ADGRV1: variants seen among roughly 807,000 people sequenced by gnomAD.
ADGRV1 encodes G-protein coupled receptor 98.
A neutral mutation model predicts 596.2 loss-of-function variants in ADGRV1; 359 were observed. The ratio of observed to expected loss-of-function variants is 0.60; its 90% CI spans 0.55 to 0.66. The LOEUF is 0.66. Among genes scored for constraint, ADGRV1 ranks in the 30% least tolerant of loss-of-function variants. The pLI, the probability that ADGRV1 is intolerant of heterozygous loss-of-function variation, is 0.00. For missense variants in ADGRV1, 7,274 were observed against 7,575.6 expected, an observed-to-expected ratio of 0.96 and a Z score of 1.48; for synonymous variants, 2,681 against 2,679.2, an observed-to-expected ratio of 1.00 and a Z score of -0.02.
At chr5:91,150,789 C>T (rs1247807335) in intron 88 of ADGRV1, among the ~76,000 whole-genome samples, 1 of 152,164 alleles carries the variant, frequency 6.6e-6, no homozygotes, top group East Asian at 1.9e-4. Flanking sequence ...CCAGGATTTC[C>T]TCTGTACAAA....
rs1261822368 is a variant in ADGRV1 at position 90,750,631 on chromosome 5, T to C, written c.11055T>C (p.Tyr3685=). 13 of 1,612,322 alleles carry C rather than the reference T, an allele frequency of 8.1e-6. No homozygotes were observed. Among genetic ancestry groups the C allele is most frequent in the South Asian group, 1.1e-5 (1 of 91,030 alleles). The change falls in exon 53 of 90, where the codon TAT becomes TAC. Residue 3685 remains tyrosine (Y), a synonymous_variant. Coordinates refer to ENST00000405460, the MANE Select transcript of ADGRV1 (RefSeq NM_032119.4). ...TLNVERLKGT[Y]GRITIAWEAD... ...ACGTTGAACGCTTAAAAGGAACATA[T>C]GGCCGTATAACCATAGCATGGGAAG...
Position 90,823,427 on chromosome 5 carries a change from C to T in ADGRV1, c.16199C>T (p.Ala5400Val), listed in dbSNP as rs1243914822. ...ATTGGTGGGTTTCTTGCTCACAGGG[C>T]CTTTGAAGATGTCAAGGTCTTTTGG... is the stretch of plus-strand genomic sequence containing the variant. Reference protein sequence around the residue: ...HLIVTRQPNRAFEDVKVFWRV... With the variant: ...HLIVTRQPNRVFEDVKVFWRV... The change falls in exon 76 of 90, where the codon GCC (alanine) becomes GTC (valine). Residue 5400 changes from alanine to valine, a missense_variant and splice_region_variant. By Grantham distance (64) the Ala-to-Val change is moderately conservative (BLOSUM62 0). This residue lies in a region of ADGRV1 where 1,874 missense variants were observed against 1,970.2 expected (regional missense o/e 0.95). Coordinates refer to ENST00000405460, the MANE Select transcript of ADGRV1 (RefSeq NM_032119.4). 1.2e-6 allele frequency: 2 copies of T among 1,613,450 alleles called. No individual in the cohort carries two copies. The highest frequency in any genetic ancestry group is 2.2e-5 in the South Asian group (2 of 90,884).
At chr5:91,049,191 C>T (rs116436737) in intron 85 of ADGRV1, among the ~76,000 whole-genome samples, 1,568 of 152,154 alleles carry the variant, frequency 0.01, 22 homozygotes, top group African/African-American at 0.036. Context: ...ACTAGTAAAC[C>T]TTTCTCCTTT....
intron 84 of ADGRV1, among the ~76,000 whole-genome samples, chr5:90,976,522 C>A (rs2151016402): frequency 6.6e-6 from 1 of 151,198 alleles, no homozygotes. Flanking sequence ...CCTTGAACAC[C>A]CTTGCACTCT....
intron 83 of ADGRV1, among the ~76,000 whole-genome samples, chr5:90,949,900 T>G (rs1230959986): frequency 6.6e-6 from 1 of 152,222 alleles, no homozygotes; most frequent in Non-Finnish European, 1.5e-5. Flanking sequence ...AGTGCTCTGA[T>G]GTGGTGTTTC....
intron 54 of ADGRV1, among the ~76,000 whole-genome samples, chr5:90,754,030 CTT>C (rs1270582917): frequency 6.6e-6 from 1 of 151,980 alleles, no homozygotes; most frequent in African/African-American, 2.4e-5. Flanking sequence ...GGAAATGTGT[CTT>C]TTAAAAGATA....
chr5:91,005,867 C>T (rs1201059886), intron 85 of ADGRV1, among the ~76,000 whole-genome samples: 1 of 152,140 alleles, frequency 6.6e-6, no homozygotes, highest in Non-Finnish European at 1.5e-5. Flanking sequence ...TTGCCTCTAC[C>T]ATCGCTATAG....
intron 1 of ADGRV1, among the ~76,000 whole-genome samples, chr5:90,611,127 T>A (rs1490650199): frequency 4.6e-5 from 7 of 152,078 alleles, no homozygotes; most frequent in South Asian, 4.1e-4. Context: ...GGGCGTTGCA[T>A]GATGTACAGG....
Position 90,725,111 on chromosome 5 carries a change from C to T in ADGRV1, c.9932C>T (p.Thr3311Ile). Residue 3311 changes from threonine to isoleucine, a missense_variant, in exon 47 of 90, where the codon ACT becomes ATT. By Grantham distance (89) the Thr-to-Ile change is moderately conservative. Transcript: ENST00000405460. Reference protein sequence around the residue: ...VEDLNIENPKTCEAFNIGFSP... With the variant: ...VEDLNIENPKICEAFNIGFSP... The stretch of plus-strand genomic sequence containing the variant: ...GATTTAAATATAGAAAATCCTAAAA[C>T]TTGTGAGGCCTTTAATATTGGTTTT... 1 of 1,534,228 alleles carries T rather than the reference C, an allele frequency of 6.5e-7. No homozygotes were observed. Among genetic ancestry groups the T allele is most frequent in the East Asian group, 2.3e-5 (1 of 44,088 alleles).
chr5:90,910,554 TCTATC>T lies in ADGRV1; in HGVS notation c.17856+46698_17856+46702del, dbSNP rs1772781045. Among the ~76,000 whole-genome samples, 16 of 11,242 alleles carry T rather than the reference TCTATC, an allele frequency of 1.4e-3. 1 individual carries two copies. Among genetic ancestry groups the T allele is most frequent in the East Asian group, 4.8e-3 (6 of 1,244 alleles). The allele number at this position is 11,242 out of a possible 152,430, so 7.4% of individuals were successfully genotyped here. A position where few individuals can be genotyped will look rare whatever the true frequency, so the allele number is the denominator to read the frequency against. On this transcript the variant is annotated intron_variant, in intron 83 of 89. Transcript: ENST00000405460. ...TGTTTAGTTTTATATATATATATTA[TCTATC>T]TATCTATCTATCTATCTATCTATCT...
At chr5:90,632,136 CT>C (rs377150711) in intron 9 of ADGRV1, among the ~76,000 whole-genome samples, 31 of 152,068 alleles carry the variant, frequency 2.0e-4, no homozygotes, top group African/African-American at 7.0e-4. Flanking sequence ...TGTTTAAGGG[CT>C]TTTTTTGGGA....
At chr5:90,957,444 C>G (rs1777573643) in intron 83 of ADGRV1, among the ~76,000 whole-genome samples, 1 of 151,160 alleles carries the variant, frequency 6.6e-6, no homozygotes, top group African/African-American at 2.4e-5. Flanking sequence ...AGATCTGTTT[C>G]TCAGAAGATG....
intron 59 of ADGRV1, among the ~76,000 whole-genome samples, chr5:90,768,582 A>AG (rs1274235289): frequency 6.6e-6 from 1 of 152,248 alleles, no homozygotes; most frequent in African/African-American, 2.4e-5. Context: ...CTCAAAATGT[A>AG]GCAGTGACTG....
chr5:90,885,603 T>C (rs191730408), intron 83 of ADGRV1, among the ~76,000 whole-genome samples: 119 of 152,150 alleles, frequency 7.8e-4, no homozygotes, highest in African/African-American at 2.6e-3. Context: ...TGTGATAAGC[T>C]TTGAGAGGAG....
intron 58 of ADGRV1, among the ~76,000 whole-genome samples, chr5:90,760,610 C>G (rs6872705): frequency 0.027 from 4,056 of 152,184 alleles, 182 homozygotes; most frequent in African/African-American, 0.094. Context: ...ATTTATATTA[C>G]CCACTGTTAT....
chr5:90,851,134 T>TGTGTGTGTGTGAGAGAGAGAGAGAGAGA (rs757909771), intron 79 of ADGRV1, among the ~76,000 whole-genome samples: 6 of 81,506 alleles, frequency 7.4e-5, no homozygotes, highest in Non-Finnish European at 1.3e-4. Flanking sequence ...TGTGTGTGTG[T>TGTGTGTGTGTGAGAGAGAGAGAGAGAGA]GAGAGAGAGA....
intron 83 of ADGRV1, among the ~76,000 whole-genome samples, chr5:90,917,551 T>C (rs922290823): frequency 1.3e-5 from 2 of 152,224 alleles, no homozygotes; most frequent in African/African-American, 4.8e-5. Context: ...AGGTGTAACC[T>C]GCTTCACATT....
chr5:91,069,396 G>T (rs545069512), intron 85 of ADGRV1, among the ~76,000 whole-genome samples: 1 of 152,160 alleles, frequency 6.6e-6, no homozygotes, highest in South Asian at 2.1e-4. Flanking sequence ...TATGAGGAAC[G>T]TATACAATTG....
At chr5:90,669,581 A>G (rs2149526921) in intron 21 of ADGRV1, among the ~76,000 whole-genome samples, 1 of 152,360 alleles carries the variant, frequency 6.6e-6, no homozygotes, top group Admixed American at 6.5e-5. Context: ...GTTTACTTGT[A>G]GAAGTGGGCA....
Sources: allele counts gnomAD v4.1 joint callset (sites outside exome capture counted in the v4.1 genomes callset), GRCh38; gene constraint gnomAD v4.1.1; regional missense constraint gnomAD v4.1.1; transcripts MANE v1.5; gene names NCBI Gene and HGNC (gene_info 2026-07-23, HGNC 2026-07-21).